Variants in NOL9 observed in about 807,000 individuals in gnomAD.
The protein encoded by NOL9 is nucleolar protein 9.
NOL9 carries 28 observed loss-of-function variants against 67.9 expected under a neutral mutation model. The ratio of observed to expected loss-of-function variants is 0.41; its 90% CI spans 0.31 to 0.57. NOL9 has a LOEUF of 0.57. Among genes scored for constraint, NOL9 ranks in the 20% least tolerant of loss-of-function variants. The pLI, the probability that NOL9 is intolerant of heterozygous loss-of-function variation, is 0.25. For synonymous variants in NOL9, 356 were observed against 352.2 expected (o/e 1.01, Z -0.12); for missense variants, 777 against 897.0 (o/e 0.87, Z 1.71).
chr1:6,539,542 T>A (rs1408151287), intron 6 of NOL9, among the ~76,000 whole-genome samples: 3 of 152,232 alleles, frequency 2.0e-5, no homozygotes, highest in Non-Finnish European at 4.4e-5. Context: ...TGGAGTGTAA[T>A]GGTGCAATTT....
rs905117857 is a variant in NOL9 at position 6,522,531 on chromosome 1, CAG to C, written c.*3321_*3322del. ...GGCCACTGCACTCCAGCCTTGGCGACAGAGAGTCCGTCGCAAAAGAAAAAAAC... is the reference window on the plus strand; with the variant it reads ...GGCCACTGCACTCCAGCCTTGGCGACAGAGTCCGTCGCAAAAGAAAAAAAC... On this transcript the variant is annotated 3_prime_UTR_variant, in exon 12 of 12. Coordinates refer to ENST00000377705, the MANE Select transcript of NOL9 (RefSeq NM_024654.5). 15 of 151,862 alleles carry C rather than the reference CAG, an allele frequency of 9.9e-5. No homozygotes were observed. The highest frequency in any genetic ancestry group is 1.0e-4 in the Non-Finnish European group (7 of 68,030). 9.4% of individuals were successfully genotyped at this position (151,862 alleles called of 1,614,324 possible). A position where few individuals can be genotyped will look rare whatever the true frequency, so the allele number is the denominator to read the frequency against.
chr1:6,549,765 GC>G, intron 2 of NOL9, 67 bp from the exon 3 acceptor site: 1 of 1,577,018 alleles, frequency 6.3e-7, no homozygotes, highest in Non-Finnish European at 8.6e-7. Flanking sequence ...CTTTAGGACT[GC>G]CATCTCCTCG....
At chr1:6,528,548 C>A (rs894001957) in intron 10 of NOL9, among the ~76,000 whole-genome samples, 1 of 152,140 alleles carries the variant, frequency 6.6e-6, no homozygotes, top group Non-Finnish European at 1.5e-5. Context: ...GAGCCTGGGG[C>A]AAGGAGGAGA....
At chr1:6,541,669 G>GC (rs1639295136) in intron 6 of NOL9, among the ~76,000 whole-genome samples, 161 bp downstream of exon 6, 1 of 152,158 alleles carries the variant, frequency 6.6e-6, no homozygotes, top group Admixed American at 6.5e-5. Flanking sequence ...ACCATAGTTT[G>GC]TTTTTTGGAG....
At chr1:6,548,162 T>G (rs976311414) in intron 3 of NOL9, 4 of 146,374 alleles carry the variant, frequency 2.7e-5, no homozygotes, top group Non-Finnish European at 5.7e-5. Flanking sequence ...TTTTTTTTTT[T>G]TGAGACGGAT....
chr1:6,529,288 G>T, intron 9 of NOL9, 117 bp from the exon 10 acceptor site: 3 of 916,590 alleles, frequency 3.3e-6, no homozygotes, highest in Non-Finnish European at 3.3e-6. Context: ...CTACTCAAAA[G>T]TATCTCTAAA....
At chr1:6,543,385 C>T (rs999889721) in intron 5 of NOL9, among the ~76,000 whole-genome samples, 35 of 152,196 alleles carry the variant, frequency 2.3e-4, no homozygotes, top group South Asian at 1.0e-3. Context: ...TTAGTAGAGA[C>T]GGGGTTTCCC....
chr1:6,533,574 T>C (rs1225321152), intron 6 of NOL9, 133 bp from the exon 7 acceptor site: 3 of 573,972 alleles, frequency 5.2e-6, no homozygotes, highest in Non-Finnish European at 8.4e-6. Context: ...CCATCCTACC[T>C]ACAGGAACAC....
chr1:6,542,687 G>A (rs1307668160), intron 5 of NOL9, among the ~76,000 whole-genome samples: 1 of 151,582 alleles, frequency 6.6e-6, no homozygotes, highest in African/African-American at 2.4e-5. Context: ...TCGATCTCCT[G>A]ACCTTGGGAT....
At position 6,554,170 on chromosome 1, in the gene NOL9, G is replaced by A. The variant is rs10864625; in HGVS notation, c.333C>T (p.Leu111=). Residue 111 remains leucine, a synonymous_variant, in exon 1 of 12, where the codon CTC becomes CTT. Coordinates refer to ENST00000377705, the MANE Select transcript of NOL9 (RefSeq NM_024654.5). ...CCACGGGCCGCACCGGTGGGATGAG[G>A]AGAGGCCGGTGGCAACTCGAGGCGG... ...LESASSCHRP[L]LIPPVRPVGP... 0.13 allele frequency: 204,692 copies of A among 1,526,672 alleles called. 14,785 individuals carry two copies. The highest frequency in any genetic ancestry group is 0.26 in the African/African-American group (18,306 of 70,034). The allele number at this position is 1,526,672 out of a possible 1,614,324, so 94.6% of individuals were successfully genotyped here.
At position 6,545,209 on chromosome 1, in the gene NOL9, G is replaced by GA. The variant is rs1483956241; in HGVS notation, c.745-30dup. ...AAATCAACAATTTAAACTTTAAGGTGAAAAAATGCATATTTTTTTCTTCAG... is the reference window on the plus strand; with the variant it reads ...AAATCAACAATTTAAACTTTAAGGTGAAAAAAATGCATATTTTTTTCTTCAG... On this transcript the variant is annotated intron_variant, in intron 3 of 11. Transcript: ENST00000377705. 10 of 1,592,612 alleles carry GA rather than the reference G, an allele frequency of 6.3e-6. 1 individual carries two copies. The highest frequency in any genetic ancestry group is 5.5e-5 in the Admixed American group (3 of 54,546).
chr1:6,542,332 TG>T (rs1189465748), intron 5 of NOL9, among the ~76,000 whole-genome samples: 2 of 151,260 alleles, frequency 1.3e-5, no homozygotes, highest in African/African-American at 4.9e-5. Context: ...GGCTAATTTT[TG>T]TATTTTTAGT....
chr1:6,540,786 A>G (rs1019856756), intron 6 of NOL9: 2 of 151,822 alleles, frequency 1.3e-5, no homozygotes, highest in Non-Finnish European at 2.9e-5. Context: ...AGATCACACC[A>G]CTGCACTCTA....
rs1400796751 is a variant in NOL9 at position 6,550,543 on chromosome 1, T to A, written c.469A>T (p.Ser157Cys). 6.2e-7 allele frequency: 1 copy of A among 1,613,924 alleles called. No individual in the cohort carries two copies. Among genetic ancestry groups the A allele is most frequent in the Non-Finnish European group, 8.5e-7 (1 of 1,180,014 alleles). ...ATGTCTTGGGCAGGCTGGCCTTGGCTGATGGTAAAACCAAATACCTGCACC... is the reference window on the plus strand; with the variant it reads ...ATGTCTTGGGCAGGCTGGCCTTGGCAGATGGTAAAACCAAATACCTGCACC... Reference protein sequence around the residue: ...GQVQVFGFTISQGQPAQDIFS... With the variant: ...GQVQVFGFTICQGQPAQDIFS... Residue 157 changes from serine (S) to cysteine (C), a missense_variant, in exon 2 of 12, where the codon AGC becomes TGC. This residue lies in a region of NOL9 where 364 missense variants were observed against 344.4 expected (regional missense o/e 1.06). Transcript: ENST00000377705.
rs1182771131 is a variant in NOL9 at position 6,524,169 on chromosome 1, T to C, written c.*1685A>G. The C allele has an allele frequency of 6.6e-6, 1 of 152,226 alleles. No homozygotes were observed. The highest frequency in any genetic ancestry group is 1.5e-5 in the Non-Finnish European group (1 of 68,042). 9.4% of individuals were successfully genotyped at this position (152,226 alleles called of 1,614,324 possible). A position where few individuals can be genotyped will look rare whatever the true frequency, so the allele number is the denominator to read the frequency against. ...ATCACCATAGCAAGGTTTCCTGTGC[T>C]TATTTTAAGTCCTTTGCTGTTGGGT... On this transcript the variant is annotated 3_prime_UTR_variant, in exon 12 of 12. Coordinates refer to ENST00000377705, the MANE Select transcript of NOL9 (RefSeq NM_024654.5).
intron 3 of NOL9, chr1:6,548,274 G>T (rs1290947965): frequency 6.4e-6 from 1 of 157,194 alleles, no homozygotes; most frequent in Non-Finnish European, 1.4e-5. Flanking sequence ...CACCTCTGGA[G>T]TAACTGGGAT....
intron 10 of NOL9, 135 bp downstream of exon 10, chr1:6,528,859 G>T: frequency 1.3e-6 from 1 of 771,902 alleles, no homozygotes. Context: ...CCCCTAAGGC[G>T]TGCTATATAG....
In NOL9 at chr1:6,525,769, T is replaced by A; in HGVS notation, c.*85A>T. The A allele has an allele frequency of 6.9e-7, 1 of 1,443,318 alleles. No homozygotes were observed. Among genetic ancestry groups the A allele is most frequent in the Non-Finnish European group, 9.6e-7 (1 of 1,036,330 alleles). 89.4% of individuals were successfully genotyped at this position (1,443,318 alleles called of 1,614,324 possible). ...CTAATAAGGGCACCATTCATGGCCA[T>A]GAAACTCCATCATGTCTCTTGTGGT... On this transcript the variant is annotated 3_prime_UTR_variant, in exon 12 of 12. Transcript: ENST00000377705.
At chr1:6,551,080 G>C (rs1488419821) in intron 1 of NOL9, among the ~76,000 whole-genome samples, 1 of 152,218 alleles carries the variant, frequency 6.6e-6, no homozygotes, top group Non-Finnish European at 1.5e-5. Context: ...GGGAAGCTGA[G>C]ACAGGAGGAT....
Sources: allele counts gnomAD v4.1 joint callset (sites outside exome capture counted in the v4.1 genomes callset), GRCh38; gene constraint gnomAD v4.1.1; regional missense constraint gnomAD v4.1.1; transcripts MANE v1.5; gene names NCBI Gene and HGNC (gene_info 2026-07-23, HGNC 2026-07-21).